PCDH17: variants seen among roughly 807,000 people sequenced by gnomAD.
PCDH17 encodes the protein protocadherin 17, also known as protocadherin-17.
PCDH17 carries 21 observed loss-of-function variants against 67.7 expected under a neutral mutation model. That is an observed-to-expected ratio of 0.31 (90% CI 0.22 to 0.45). The LOEUF (loss-of-function observed/expected upper bound fraction) is 0.45, where lower values mean the gene tolerates loss of function less well. Ranked by LOEUF, PCDH17 falls within the 20% of genes least tolerant of loss-of-function variation. The probability of loss-of-function intolerance (pLI) is 1.00; values close to 1 mark genes in which losing one functional copy is unlikely to be tolerated. For synonymous variants in PCDH17, 701 were observed against 656.7 expected (o/e 1.07, Z -1.03); for missense variants, 1,471 against 1,564.8 (o/e 0.94, Z 1.01).
chr13:57,690,897 A>T (rs547241559), intron 3 of PCDH17, among the ~76,000 whole-genome samples: 2 of 151,530 alleles, frequency 1.3e-5, no homozygotes, highest in African/African-American at 4.8e-5. Context: ...TTCATTTGAC[A>T]GTGTAACTGT....
At chr13:57,642,466 T>C (rs1954917578) in intron 1 of PCDH17, among the ~76,000 whole-genome samples, 2 of 151,748 alleles carry the variant, frequency 1.3e-5, no homozygotes, top group Admixed American at 6.6e-5. Context: ...CTGATGCTAT[T>C]TTCATAGCAT....
chr13:57,674,864 T>C (rs1955371953), intron 3 of PCDH17, among the ~76,000 whole-genome samples: 1 of 151,944 alleles, frequency 6.6e-6, no homozygotes, highest in African/African-American at 2.4e-5. Context: ...AAAGCCATAT[T>C]ACAAAACATT....
At chr13:57,707,338 T>TGTGC (rs757117620) in intron 3 of PCDH17, among the ~76,000 whole-genome samples, 1 of 60,276 alleles carries the variant, frequency 1.7e-5, no homozygotes, top group Non-Finnish European at 3.8e-5. Flanking sequence ...TATGACCGTG[T>TGTGC]GTGTGTGTGT....
chr13:57,652,136 G>A (rs1310402984), intron 1 of PCDH17, among the ~76,000 whole-genome samples: 2 of 151,804 alleles, frequency 1.3e-5, no homozygotes, highest in Non-Finnish European at 2.9e-5. Context: ...AAATTAGCCG[G>A]GCGCGGTGGC....
intron 3 of PCDH17, among the ~76,000 whole-genome samples, chr13:57,667,756 G>A (rs1477041883): frequency 2.3e-5 from 2 of 87,922 alleles, no homozygotes; most frequent in African/African-American, 1.0e-4. Flanking sequence ...TGCCTGTAGG[G>A]CAGCCTGTTC....
intron 1 of PCDH17, among the ~76,000 whole-genome samples, chr13:57,665,586 A>G (rs1955242600): frequency 6.6e-6 from 1 of 152,118 alleles, no homozygotes; most frequent in Admixed American, 6.6e-5. Context: ...AAACAGGAGA[A>G]GCTTTGTCAC....
intron 3 of PCDH17, chr13:57,709,823 A>G (rs1367427012): frequency 1.3e-5 from 2 of 152,250 alleles, no homozygotes; most frequent in Admixed American, 6.6e-5. Context: ...GATAGCACTC[A>G]TAAAACTATA....
chr13:57,721,975 G>A (rs1282313766), intron 3 of PCDH17, among the ~76,000 whole-genome samples: 1 of 152,046 alleles, frequency 6.6e-6, no homozygotes, highest in African/African-American at 2.4e-5. Flanking sequence ...AGTTTCTACT[G>A]TTTGTACAAA....
At chr13:57,644,596 C>A (rs73205365) in intron 1 of PCDH17, among the ~76,000 whole-genome samples, 4 of 151,292 alleles carry the variant, frequency 2.6e-5, no homozygotes, top group South Asian at 4.2e-4. Context: ...TACAATACCC[C>A]CCTTGGGCAG....
At position 57,635,067 on chromosome 13, in the gene PCDH17, A is replaced by C; in HGVS notation, c.2521A>C (p.Thr841Pro). 6.2e-7 allele frequency: 1 copy of C among 1,613,634 alleles called. No individual in the cohort carries two copies. The highest frequency in any genetic ancestry group is 8.5e-7 in the Non-Finnish European group (1 of 1,180,004). The change falls in exon 1 of 4, where the codon ACT becomes CCT. Residue 841 changes from threonine to proline, a missense_variant. This residue lies in a region of PCDH17 where 1,163 missense variants were observed against 1,230.0 expected (regional missense o/e 0.95). Transcript: ENST00000377918. ...GCHTSFTGQG[T>P]NASETPATRM... ...CCACACCAGCTTCACCGGACAAGGG[A>C]CTAATGCAAGCGAGACCCCTGCCAC...
At chr13:57,694,502 T>C (rs1386329297) in intron 3 of PCDH17, among the ~76,000 whole-genome samples, 3 of 151,116 alleles carry the variant, frequency 2.0e-5, no homozygotes, top group Non-Finnish European at 4.5e-5. Context: ...CAGAAAGTAT[T>C]AGGGAACATT....
At chr13:57,683,102 A>C (rs1440723206) in intron 3 of PCDH17, among the ~76,000 whole-genome samples, 2 of 151,878 alleles carry the variant, frequency 1.3e-5, no homozygotes, top group African/African-American at 4.8e-5. Flanking sequence ...TTCTAATTTC[A>C]TAGGTATTTT....
chr13:57,640,109 T>C (rs1242798414), intron 1 of PCDH17, among the ~76,000 whole-genome samples: 1 of 151,942 alleles, frequency 6.6e-6, no homozygotes, highest in Non-Finnish European at 1.5e-5. Flanking sequence ...CTTCAAAAAT[T>C]TCAGGTAATA....
chr13:57,709,265 C>T (rs1045417725), intron 3 of PCDH17, among the ~76,000 whole-genome samples: 3 of 151,570 alleles, frequency 2.0e-5, no homozygotes, highest in African/African-American at 7.3e-5. Context: ...TTATTAAAAC[C>T]TTGGTAACTA....
chr13:57,632,668 A>G lies in PCDH17; in HGVS notation c.122A>G (p.Asp41Gly). ...ACGGTGATCGGGAACATCGGCAGGG[A>G]TGCTCGACTGCAGCCTGGGCTTCCG... ...AGTVIGNIGR[D>G]ARLQPGLPPA... The change falls in exon 1 of 4, where the codon GAT (aspartate) becomes GGT (glycine). Residue 41 changes from aspartate (D) to glycine (G), a missense_variant. By Grantham distance (94) the Asp-to-Gly change is moderately conservative (BLOSUM62 -1). Around this residue, in one of 3 missense-constraint regions of PCDH17, gnomAD observed 1,163 missense variants for 1,230.0 expected, o/e 0.95. Transcript: ENST00000377918. 2 of 1,611,778 alleles carry G rather than the reference A, an allele frequency of 1.2e-6. No homozygotes were observed. Among genetic ancestry groups the G allele is most frequent in the Non-Finnish European group, 1.7e-6 (2 of 1,179,896 alleles).
At chr13:57,668,845 A>G (rs990396951) in intron 3 of PCDH17, among the ~76,000 whole-genome samples, 3 of 151,992 alleles carry the variant, frequency 2.0e-5, no homozygotes, top group Admixed American at 6.6e-5. Flanking sequence ...ATTTATATAT[A>G]TATATTTTTA....
At chr13:57,674,081 T>C (rs1344030858) in intron 3 of PCDH17, among the ~76,000 whole-genome samples, 1 of 152,040 alleles carries the variant, frequency 6.6e-6, no homozygotes, top group African/African-American at 2.4e-5. Flanking sequence ...ATGATTCTCA[T>C]ATTTGTTGCA....
rs1954733864 is a variant in PCDH17 at position 57,632,196 on chromosome 13, T to A, written c.-351T>A. On this transcript the variant is annotated 5_prime_UTR_variant, in exon 1 of 4. Transcript: ENST00000377918. ...TCTCCCAGACGAGATTTCCTTCTTA[T>A]CGCCTGCCTCATCGCTCAAGTTTGA... The A allele has an allele frequency of 2.9e-6, 1 of 345,820 alleles. No homozygotes were observed. Among genetic ancestry groups the A allele is most frequent in the East Asian group, 6.4e-5 (1 of 15,650 alleles). The allele number at this position is 345,820 out of a possible 1,614,324, so 21.4% of individuals were successfully genotyped here.
At chr13:57,721,214 C>A (rs917487785) in intron 3 of PCDH17, among the ~76,000 whole-genome samples, 9 of 151,974 alleles carry the variant, frequency 5.9e-5, no homozygotes, top group Non-Finnish European at 8.8e-5. Flanking sequence ...GGGATGCATT[C>A]TATGAAGGGG....
Sources: allele counts gnomAD v4.1 joint callset (sites outside exome capture counted in the v4.1 genomes callset), GRCh38; gene constraint gnomAD v4.1.1; regional missense constraint gnomAD v4.1.1; transcripts MANE v1.5; gene names NCBI Gene and HGNC (gene_info 2026-07-23, HGNC 2026-07-21).